Variants in HYAL4 observed in about 807,000 individuals in gnomAD.
The protein encoded by HYAL4 is hyaluronidase 4.
A neutral mutation model predicts 35.2 loss-of-function variants in HYAL4; 37 were observed. The observed-to-expected ratio is 1.05, with a 90% CI of 0.81 to 1.38. The LOEUF (loss-of-function observed/expected upper bound fraction) is 1.38. Among genes scored for constraint, HYAL4 ranks in the 40% most tolerant of loss-of-function variants. HYAL4 has a pLI of 0.00. For synonymous variants in HYAL4, 198 were observed against 203.2 expected, an observed-to-expected ratio of 0.97 and a Z score of 0.22; for missense variants, 572 against 572.4, an observed-to-expected ratio of 1.00 and a Z score of 0.01.
chr7:123,810,996 C>T, the HYAL4 span, among the ~76,000 whole-genome samples: 20 of 152,318 alleles, frequency 1.3e-4, no homozygotes, highest in Non-Finnish European at 2.5e-4. Flanking sequence ...TAAGTTTACT[C>T]CACATCATTT....
chr7:123,764,284 T>C, the HYAL4 span, among the ~76,000 whole-genome samples: 1 of 152,210 alleles, frequency 6.6e-6, no homozygotes, highest in Non-Finnish European at 1.5e-5. Context: ...CCTTCAATAT[T>C]TATGTTGGGT....
intron 2 of HYAL4, among the ~76,000 whole-genome samples, chr7:123,864,729 CAA>C (rs889801857): frequency 4.6e-5 from 7 of 151,298 alleles, no homozygotes; most frequent in African/African-American, 1.7e-4. Context: ...GAAGGAAGGA[CAA>C]GAGAAACAGA....
chr7:123,837,707 T>C (rs372949287), intron 1 of HYAL4, among the ~76,000 whole-genome samples: 148 of 119,874 alleles, frequency 1.2e-3, no homozygotes, highest in African/African-American at 4.5e-3. Context: ...CCCCGGTGTG[T>C]GATGTTCCCC....
upstream of HYAL4, among the ~76,000 whole-genome samples, chr7:123,827,537 T>C (rs1040910207): frequency 4.6e-5 from 7 of 152,084 alleles, no homozygotes; most frequent in African/African-American, 1.4e-4. Context: ...CTTAGAAACC[T>C]CCTCAGATGC....
chr7:123,786,617 T>C, the HYAL4 span, among the ~76,000 whole-genome samples: 1 of 152,026 alleles, frequency 6.6e-6, no homozygotes, highest in African/African-American at 2.4e-5. Flanking sequence ...ATCAAACAAG[T>C]TTTAAAATCT....
intron 2 of HYAL4, among the ~76,000 whole-genome samples, chr7:123,866,399 A>G (rs2116953059): frequency 6.6e-6 from 1 of 152,284 alleles, no homozygotes; most frequent in East Asian, 1.9e-4. Context: ...AATTGGACTG[A>G]CGACAGTCAT....
At chr7:123,794,953 C>T in the HYAL4 span, among the ~76,000 whole-genome samples, 7 of 152,208 alleles carry the variant, frequency 4.6e-5, no homozygotes, top group South Asian at 2.1e-4. Context: ...AATGCCAGCC[C>T]CTGAAGGCAC....
At chr7:123,839,939 C>T (rs969975291) in intron 1 of HYAL4, among the ~76,000 whole-genome samples, 1 of 152,116 alleles carries the variant, frequency 6.6e-6, no homozygotes, top group Non-Finnish European at 1.5e-5. Context: ...CTGTAGGTTG[C>T]CTGTTCACTC....
chr7:123,842,562 C>G (rs937723406), upstream of HYAL4, among the ~76,000 whole-genome samples: 1 of 151,914 alleles, frequency 6.6e-6, no homozygotes, highest in East Asian at 1.9e-4. Flanking sequence ...TGTTAACCTT[C>G]TGTCATGTTG....
chr7:123,817,100 C>T, the HYAL4 span, among the ~76,000 whole-genome samples: 1 of 152,152 alleles, frequency 6.6e-6, no homozygotes, highest in Non-Finnish European at 1.5e-5. Flanking sequence ...TCCACCTTTG[C>T]ACTGGATCTC....
At chr7:123,809,199 C>T in the HYAL4 span, among the ~76,000 whole-genome samples, 1 of 152,006 alleles carries the variant, frequency 6.6e-6, no homozygotes, top group East Asian at 1.9e-4. Context: ...CATGCCACTC[C>T]CTGACCCTGA....
At chr7:123,868,051 A>T (rs73441486) in intron 2 of HYAL4, among the ~76,000 whole-genome samples, 172 bp from the exon 3 acceptor site, 1,667 of 152,270 alleles carry the variant, frequency 0.011, 31 homozygotes, top group African/African-American at 0.037. Context: ...CCTGCCCCTG[A>T]ATAGAAGCTA....
At chr7:123,785,860 A>G in the HYAL4 span, among the ~76,000 whole-genome samples, 1 of 152,182 alleles carries the variant, frequency 6.6e-6, no homozygotes, top group Non-Finnish European at 1.5e-5. The surrounding 1 kb of genome is among the most constrained non-coding windows in gnomAD (Gnocchi z 4.5). Context: ...CAGATAATGC[A>G]GGCTTTGATT....
the HYAL4 span, among the ~76,000 whole-genome samples, chr7:123,817,510 CT>C: frequency 6.0e-4 from 73 of 122,174 alleles, no homozygotes; most frequent in Admixed American, 5.6e-4. Flanking sequence ...CATTCTTCTT[CT>C]TTTTTTTTTT....
chr7:123,768,817 A>T, the HYAL4 span, among the ~76,000 whole-genome samples: 1 of 152,200 alleles, frequency 6.6e-6, no homozygotes, highest in African/African-American at 2.4e-5. Context: ...CTGATCAGCT[A>T]GCTGAGGAGA....
chr7:123,770,315 G>A, the HYAL4 span, among the ~76,000 whole-genome samples: 2 of 151,926 alleles, frequency 1.3e-5, no homozygotes, highest in East Asian at 1.9e-4. Flanking sequence ...GGTGACGGGC[G>A]CCTGTAGTCC....
the HYAL4 span, among the ~76,000 whole-genome samples, chr7:123,776,057 T>A: frequency 6.6e-6 from 1 of 152,214 alleles, no homozygotes. Flanking sequence ...TTAGACAGTT[T>A]CAATTTATAT....
chr7:123,844,665 G>C (rs962088504), upstream of HYAL4, among the ~76,000 whole-genome samples: 4 of 152,180 alleles, frequency 2.6e-5, no homozygotes, highest in African/African-American at 9.7e-5. Flanking sequence ...AGTAGGCCTT[G>C]TTGAGCTGTG....
chr7:123,774,846 T>C, the HYAL4 span, among the ~76,000 whole-genome samples: 2 of 152,218 alleles, frequency 1.3e-5, no homozygotes, highest in African/African-American at 4.8e-5. Flanking sequence ...ATGCTTTTCC[T>C]AGCTAATTCC....
Sources: gnomAD v4.1 joint callset for allele counts (sites outside exome capture counted in the v4.1 genomes callset) on GRCh38, gnomAD v4.1.1 for gene constraint, Gnocchi (gnomAD v3.1) non-coding constraint, MANE v1.5 for transcripts, NCBI Gene and HGNC (gene_info 2026-07-23, HGNC 2026-07-21) for gene names.